The following TFDP1 variants were observed in gnomAD, a reference collection of about 807,000 sequenced individuals.
The protein encoded by TFDP1 is DRTF1-polypeptide 1.
A neutral mutation model predicts 48.0 loss-of-function variants in TFDP1; 6 were observed. The observed-to-expected ratio is 0.13, with a 90% confidence interval of 0.07 to 0.25. The LOEUF (loss-of-function observed/expected upper bound fraction) is 0.25, where lower values mean the gene tolerates loss of function less well. Ranked by LOEUF, TFDP1 falls within the 10% of genes least tolerant of loss-of-function variation. The probability of loss-of-function intolerance (pLI) is 1.00; values close to 1 mark genes in which losing one functional copy is unlikely to be tolerated. For missense variants in TFDP1, 335 were observed against 543.0 expected, an observed-to-expected ratio of 0.62 and a Z score of 3.81; for synonymous variants, 201 against 211.6, an observed-to-expected ratio of 0.95 and a Z score of 0.44.
intron 4 of TFDP1, among the ~76,000 whole-genome samples, chr13:113,625,926 C>T: frequency 7.0e-6 from 1 of 142,858 alleles, no homozygotes; most frequent in African/African-American, 2.7e-5. Flanking sequence ...TCTCACGTGT[C>T]CTCAGGTGTT....
intron 4 of TFDP1, among the ~76,000 whole-genome samples, chr13:113,625,474 GT>G (rs1482046584): frequency 4.7e-5 from 4 of 84,240 alleles, no homozygotes; most frequent in African/African-American, 2.4e-4. Context: ...GTCCTCAGGT[GT>G]TTCTCAGGTG....
At chr13:113,625,646 C>T (rs1393130588) in intron 4 of TFDP1, among the ~76,000 whole-genome samples, 1 of 123,712 alleles carries the variant, frequency 8.1e-6, no homozygotes, top group East Asian at 2.7e-4. Flanking sequence ...TCTCACGTGT[C>T]CTCAGGCGTC....
rs376532717 is a variant in TFDP1, at chr13:113,640,277, C to G, written c.*10C>G. The G allele has an allele frequency of 6.2e-7, 1 of 1,606,918 alleles. No homozygotes were observed. Among genetic ancestry groups the G allele is most frequent in the Non-Finnish European group, 8.5e-7 (1 of 1,177,688 alleles). On this transcript the variant is annotated 3_prime_UTR_variant, in exon 12 of 12. Coordinates refer to ENST00000375370, the MANE Select transcript of TFDP1 (RefSeq NM_007111.5). ...TGACGAGGACGACTGACGTCCTCCC[C>G]ACTTCAGATTCGGCTTCAGGAAAAC...
intron 2 of TFDP1, 60 bp from the exon 3 acceptor site, chr13:113,610,936 C>A (rs1228613657): frequency 6.5e-7 from 1 of 1,527,828 alleles, no homozygotes; most frequent in Non-Finnish European, 9.1e-7. Context: ...GTTTTAAACA[C>A]CCCTAGTTTC....
At chr13:113,603,012 G>A (rs924612068) in intron 2 of TFDP1, among the ~76,000 whole-genome samples, 7 of 151,982 alleles carry the variant, frequency 4.6e-5, no homozygotes. Context: ...TTTGTGTTGG[G>A]CTGCATGCAG....
At chr13:113,616,344 C>T (rs1272076960) in intron 3 of TFDP1, among the ~76,000 whole-genome samples, 3 of 152,124 alleles carry the variant, frequency 2.0e-5, no homozygotes, top group South Asian at 2.1e-4. Flanking sequence ...GTCACGGTTT[C>T]GGTGGCTGCG....
intron 4 of TFDP1, among the ~76,000 whole-genome samples, chr13:113,625,441 A>AGGTGTTTCTCAGGTGTCTCTCCCG (rs2049126518): frequency 2.4e-5 from 1 of 41,038 alleles, no homozygotes; most frequent in Non-Finnish European, 4.1e-5. Context: ...TGTCTCTCAC[A>AGGTGTTTCTCAGGTGTCTCTCCCG]TGTCCTCAGG....
In TFDP1 at chr13:113,636,502, C is replaced by T. The variant is rs779859499; in HGVS notation, c.840-32C>T. 1.9e-6 allele frequency: 3 copies of T among 1,609,342 alleles called. No homozygotes were observed. In the East Asian group the frequency reaches 6.7e-5, roughly 36 times the overall value. ...GTGTGTACCGTCTCCGCTGGGAGAC[C>T]CTGTCTTTCTGACTGTGCCTTTCCC... On this transcript the variant is annotated intron_variant, in intron 9 of 11. Coordinates refer to ENST00000375370, the MANE Select transcript of TFDP1 (RefSeq NM_007111.5).
intron 2 of TFDP1, among the ~76,000 whole-genome samples, chr13:113,592,971 C>T (rs971274052): frequency 6.6e-6 from 1 of 150,896 alleles, no homozygotes; most frequent in Admixed American, 6.6e-5. Flanking sequence ...TGGTTCTCAG[C>T]CCTGCCCAGG....
At chr13:113,606,968 G>T (rs1407665554) in intron 2 of TFDP1, among the ~76,000 whole-genome samples, 7 of 152,208 alleles carry the variant, frequency 4.6e-5, no homozygotes, top group Non-Finnish European at 1.5e-5. Flanking sequence ...CTGTAGCCAG[G>T]TGTGCATTTA....
intron 2 of TFDP1, among the ~76,000 whole-genome samples, chr13:113,589,749 G>C (rs1003679916): frequency 2.5e-4 from 38 of 152,360 alleles, no homozygotes; most frequent in Middle Eastern, 3.4e-3. Flanking sequence ...AGTCAGTCCA[G>C]CTGCAGGGGC....
At chr13:113,585,116 C>T (rs1246365265) in intron 1 of TFDP1, among the ~76,000 whole-genome samples, 4 of 146,844 alleles carry the variant, frequency 2.7e-5, no homozygotes, top group Non-Finnish European at 6.1e-5. Context: ...CCGGCCCTCC[C>T]GGCCGACAGC....
chr13:113,594,160 G>A (rs528986198), intron 2 of TFDP1, among the ~76,000 whole-genome samples: 95 of 93,120 alleles, frequency 1.0e-3, no homozygotes, highest in African/African-American at 2.7e-3. Context: ...GTCCTCAGCC[G>A]TGCCCAGGTG....
chr13:113,622,931 G>A (rs2049030796), intron 3 of TFDP1, among the ~76,000 whole-genome samples: 1 of 152,276 alleles, frequency 6.6e-6, no homozygotes. Flanking sequence ...CCGAGGGGCT[G>A]GAGCAGTGGA....
At chr13:113,636,263 G>C (rs563574443) in intron 9 of TFDP1, 135 bp downstream of exon 9, 10 of 1,292,090 alleles carry the variant, frequency 7.7e-6, no homozygotes, top group Admixed American at 4.3e-5. Flanking sequence ...TGTCCATTGG[G>C]GGGTGGTGGG....
At chr13:113,600,006 G>C (rs1007919570) in intron 2 of TFDP1, among the ~76,000 whole-genome samples, 4 of 150,424 alleles carry the variant, frequency 2.7e-5, no homozygotes, top group African/African-American at 9.8e-5. Context: ...AGGACCGTGA[G>C]AGAGAATCCT....
chr13:113,635,450 AAAG>A (rs2049459645), intron 8 of TFDP1, among the ~76,000 whole-genome samples: 1 of 152,162 alleles, frequency 6.6e-6, no homozygotes, highest in Non-Finnish European at 1.5e-5. Context: ...CATTAATAGC[AAAG>A]AAGGTCTCTC....
intron 5 of TFDP1, among the ~76,000 whole-genome samples, chr13:113,632,175 T>A (rs576998024): frequency 6.6e-6 from 1 of 152,352 alleles, no homozygotes; most frequent in South Asian, 2.1e-4. Context: ...CCGCCAGAGC[T>A]GCTCCTTCCA....
intron 2 of TFDP1, among the ~76,000 whole-genome samples, chr13:113,591,699 C>T (rs2048150860): frequency 6.6e-6 from 1 of 152,184 alleles, no homozygotes; most frequent in Non-Finnish European, 1.5e-5. Context: ...GTGTGGCTTT[C>T]TGCTGTTTGT....
Sources: gnomAD v4.1 joint callset for allele counts (sites outside exome capture counted in the v4.1 genomes callset) on GRCh38, gnomAD v4.1.1 for gene constraint, MANE v1.5 for transcripts, NCBI Gene and HGNC (gene_info 2026-07-23, HGNC 2026-07-21) for gene names.